ZNF677: variants seen among roughly 807,000 people sequenced by gnomAD.
ZNF677 encodes the protein hypothetical protein MGC48625.
ZNF677 carries 5 observed loss-of-function variants against 8.1 expected under a neutral mutation model. The observed-to-expected ratio is 0.62, with a 90% CI of 0.32 to 1.29. The LOEUF is 1.29. Ranked by LOEUF, ZNF677 falls within the 50% of genes most tolerant of loss-of-function variation. The pLI, the probability that ZNF677 is intolerant of heterozygous loss-of-function variation, is 0.05. For missense variants in ZNF677, 685 were observed against 685.9 expected, an observed-to-expected ratio of 1.00 and a Z score of 0.01; for synonymous variants, 221 against 225.6, an observed-to-expected ratio of 0.98 and a Z score of 0.18.
At chr19:53,246,243 A>T (rs952915426) in intron 3 of ZNF677, among the ~76,000 whole-genome samples, 45 of 143,766 alleles carry the variant, frequency 3.1e-4, no homozygotes, top group Non-Finnish European at 7.6e-5. Context: ...GCGGGAACCC[A>T]GGAGGCGGAG....
In ZNF677 at chr19:53,236,109, CAGG is replaced by C. The variant is rs1479878424; in HGVS notation, c.*860_*862del. ...ATCCCAGCTACTCGTGAGGCTGAGG[CAGG>C]AGAATTGCTTGAACCCGGGAGACAG... On this transcript the variant is annotated 3_prime_UTR_variant, in exon 5 of 5. Transcript: ENST00000598513. 1 of 152,326 alleles carries C rather than the reference CAGG, an allele frequency of 6.6e-6. No homozygotes were observed. The highest frequency in any genetic ancestry group is 6.5e-5 in the Admixed American group (1 of 15,284). The allele number at this position is 152,326 out of a possible 1,614,324, so 9.4% of individuals were successfully genotyped here.
At position 53,236,827 on chromosome 19, in the gene ZNF677, T is replaced by C. The variant is rs900536261; in HGVS notation, c.*145A>G. On this transcript the variant is annotated 3_prime_UTR_variant, in exon 5 of 5. Transcript: ENST00000598513. ...ATGATGTTCCACAAGGCTTGAACTT[T>C]GGATAAGCCTTGCCATACATGTTAT... is the stretch of plus-strand genomic sequence containing the variant. The C allele has an allele frequency of 2.2e-5, 15 of 686,774 alleles. No individual in the cohort carries two copies. Among genetic ancestry groups the C allele is most frequent in the Non-Finnish European group, 3.4e-5 (15 of 444,552 alleles). The allele number at this position is 686,774 out of a possible 1,614,324, so 42.5% of individuals were successfully genotyped here.
intron 3 of ZNF677, 56 bp from the exon 4 acceptor site, chr19:53,243,953 C>A (rs764868814): frequency 2.0e-6 from 3 of 1,504,582 alleles, no homozygotes; most frequent in Admixed American, 2.2e-5. Context: ...TATTTTCACA[C>A]AAAATGGCAG....
chr19:53,246,487 T>TACACAC lies in ZNF677; in HGVS notation c.16-2596_16-2591dup, dbSNP rs60644090. On this transcript the variant is annotated intron_variant, in intron 3 of 4. Coordinates refer to ENST00000598513, the MANE Select transcript of ZNF677 (RefSeq NM_182609.4). ...AAGGAATGACTGAATAAAGAAAATG[T>TACACAC]ACACACACACACACACACACACACA... Among the ~76,000 whole-genome samples the TACACAC allele has an allele frequency of 5.2e-3, 726 of 140,342 alleles. 9 individuals carry two copies. Among genetic ancestry groups the TACACAC allele is most frequent in the African/African-American group, 5.4e-3 (202 of 37,756 alleles). The allele number at this position is 140,342 out of a possible 152,430, so 92.1% of individuals were successfully genotyped here.
In ZNF677 at chr19:53,237,043, G is replaced by A; in HGVS notation, c.1684C>T (p.Gln562Ter). 4 of 1,601,442 alleles carry A rather than the reference G, an allele frequency of 2.5e-6. No homozygotes were observed. The highest frequency in any genetic ancestry group is 3.4e-6 in the Non-Finnish European group (4 of 1,176,338). The change falls in exon 5 of 5, where the codon CAA (glutamine) becomes TAA (stop). Residue 562 changes from glutamine to a stop codon, truncating the protein, a stop_gained. Coordinates refer to ENST00000598513, the MANE Select transcript of ZNF677 (RefSeq NM_182609.4). LOFTEE classifies it low-confidence loss of function (END_TRUNC). ...LFQSSNLGDH[Q>*]KSYNREKHIK... ...TGTTTTTCTCTATTATAACTTTTTT[G>A]ATGATCTCCAAGGTTTGAACTTTGG... is the stretch of plus-strand genomic sequence containing the variant.
chr19:53,244,575 G>A (rs541959060), intron 3 of ZNF677, among the ~76,000 whole-genome samples: 22 of 152,208 alleles, frequency 1.4e-4, no homozygotes, highest in Non-Finnish European at 2.9e-4. Context: ...TGCAAACTAT[G>A]AAATACTAAT....
chr19:53,243,135 T>C (rs1002392995), intron 4 of ZNF677: 1 of 153,068 alleles, frequency 6.5e-6, no homozygotes, highest in Admixed American at 6.5e-5. Context: ...TGAGCGCTTA[T>C]TTGTGCTCAC....
At chr19:53,244,046 G>T (rs2091098431) in intron 3 of ZNF677, 149 bp from the exon 4 acceptor site, 2 of 729,638 alleles carry the variant, frequency 2.7e-6, no homozygotes, top group Non-Finnish European at 4.4e-6. Context: ...TTTAAACTGA[G>T]ATGAAATTAC....
intron 4 of ZNF677, 177 bp downstream of exon 4, chr19:53,243,567 A>G: frequency 1.3e-6 from 1 of 770,290 alleles, no homozygotes; most frequent in Non-Finnish European, 2.0e-6. Flanking sequence ...GATTATGCGC[A>G]GAACTTCTGA....
At chr19:53,251,416 C>T in intron 3 of ZNF677, 120 bp downstream of exon 3, 1 of 782,350 alleles carries the variant, frequency 1.3e-6, no homozygotes, top group Non-Finnish European at 2.2e-6. Flanking sequence ...GAGGGAAAGC[C>T]CTGGGTGTGA....
Position 53,237,736 on chromosome 19 carries a change from T to A in ZNF677, c.991A>T (p.Asn331Tyr). 6.2e-7 allele frequency: 1 copy of A among 1,613,866 alleles called. No individual in the cohort carries two copies. Among genetic ancestry groups the A allele is most frequent in the African/African-American group, 1.3e-5 (1 of 75,030 alleles). The change falls in exon 5 of 5, where the codon AAT (asparagine) becomes TAT (tyrosine). Residue 331 changes from asparagine (N) to tyrosine (Y), a missense_variant. Transcript: ENST00000598513. ...CNICGKVCSQ[N>Y]SNLASHQRMH... ...CTCTGATGACTTGCAAGATTTGAAT[T>A]TTGACTACAGACCTTGCCACATATA...
intron 4 of ZNF677, chr19:53,243,389 A>G: frequency 2.8e-6 from 1 of 356,654 alleles, no homozygotes; most frequent in South Asian, 8.1e-5. Flanking sequence ...TAAATTAGTC[A>G]ACGGACTGCC....
In ZNF677 at chr19:53,245,736, G is replaced by T. The variant is rs34266782; in HGVS notation, c.16-1839C>A. 3.2e-3 allele frequency among the ~76,000 whole-genome samples: 486 copies of T among 152,264 alleles called. 2 individuals are homozygous for T. Among genetic ancestry groups the T allele is most frequent in the Non-Finnish European group, 5.2e-3 (357 of 68,022 alleles). ...GTTCCTCAAAAATTAAAAATAGGCCGGGCGCAGTGGCTCACACCTGTAATC... is the reference window on the plus strand; with the variant it reads ...GTTCCTCAAAAATTAAAAATAGGCCTGGCGCAGTGGCTCACACCTGTAATC... On this transcript the variant is annotated intron_variant, in intron 3 of 4. Coordinates refer to ENST00000598513, the MANE Select transcript of ZNF677 (RefSeq NM_182609.4).
chr19:53,246,729 G>A (rs544342659), intron 3 of ZNF677, among the ~76,000 whole-genome samples: 2 of 152,288 alleles, frequency 1.3e-5, no homozygotes, highest in African/African-American at 4.8e-5. Flanking sequence ...TAGGTGCTGA[G>A]TGGGGAAATG....
chr19:53,246,486 GTACACACA>G (rs2091142999), intron 3 of ZNF677, among the ~76,000 whole-genome samples: 2 of 102,344 alleles, frequency 2.0e-5, no homozygotes, highest in South Asian at 7.2e-4. Context: ...TAAAGAAAAT[GTACACACA>G]CACACACACA....
intron 4 of ZNF677, chr19:53,242,512 T>C (rs2091069002): frequency 2.5e-6 from 1 of 397,606 alleles, no homozygotes; most frequent in Admixed American, 4.4e-5. Flanking sequence ...AGTCTTTACA[T>C]TAATGCTGAG....
At chr19:53,249,965 C>T (rs1040328341) in intron 3 of ZNF677, among the ~76,000 whole-genome samples, 1 of 152,186 alleles carries the variant, frequency 6.6e-6, no homozygotes, top group Non-Finnish European at 1.5e-5. Flanking sequence ...CTCTGCCTCC[C>T]GGGTTCAAGC....
chr19:53,235,678 C>A lies in ZNF677; in HGVS notation c.*1294G>T, dbSNP rs960189988. On this transcript the variant is annotated 3_prime_UTR_variant, in exon 5 of 5. Coordinates refer to ENST00000598513, the MANE Select transcript of ZNF677 (RefSeq NM_182609.4). ...CTACCACATATGCAGTCTCTAGTAA[C>A]CGACCATTTCACTTCCATGAAAATC... The A allele has an allele frequency of 3.3e-5, 5 of 152,144 alleles. No individual in the cohort carries two copies. Among genetic ancestry groups the A allele is most frequent in the Admixed American group, 3.3e-4 (5 of 15,278 alleles). 9.4% of individuals were successfully genotyped at this position (152,144 alleles called of 1,614,324 possible).
Sources: gnomAD v4.1 joint callset for allele counts (sites outside exome capture counted in the v4.1 genomes callset) on GRCh38, gnomAD v4.1.1 for gene constraint, MANE v1.5 for transcripts, NCBI Gene and HGNC (gene_info 2026-07-23, HGNC 2026-07-21) for gene names.